The following ASMTL variants were observed in gnomAD, a reference collection of about 807,000 sequenced individuals.
The protein encoded by ASMTL is probable bifunctional dTTP/UTP pyrophosphatase/methyltransferase protein.
ASMTL carries 57 observed loss-of-function variants against 60.3 expected under a neutral mutation model. The ratio of observed to expected loss-of-function variants is 0.95; its 90% CI spans 0.76 to 1.18. ASMTL has a LOEUF of 1.18. Ranked by LOEUF, ASMTL falls within the 50% of genes most tolerant of loss-of-function variation. The pLI is 0.00. For synonymous variants in ASMTL, 419 were observed against 373.0 expected (o/e 1.12, Z -1.42); for missense variants, 981 against 852.6 (o/e 1.15, Z -1.88).
At position 1,432,661 on chromosome X, in the gene ASMTL, C is replaced by G. The variant is rs1455156883; in HGVS notation, c.401-284G>C. 4.0e-5 allele frequency among the ~76,000 whole-genome samples: 6 copies of G among 151,768 alleles called. No individual in the cohort carries two copies. In the East Asian group the frequency reaches 9.7e-4, roughly 24 times the overall value. On this transcript the variant is annotated intron_variant, in intron 5 of 12. Coordinates refer to ENST00000381317, the MANE Select transcript of ASMTL (RefSeq NM_004192.4). ...TGGCTAACACGGTGAAACCCCGTCT[C>G]TACTAAAAATACAAAAAATTAGCCA...
Position 1,442,257 on chromosome X carries a change from C to G in ASMTL, c.154G>C (p.Ala52Pro), listed in dbSNP as rs373103165. 3.7e-6 allele frequency: 6 copies of G among 1,613,712 alleles called. No homozygotes were observed. The highest frequency in any genetic ancestry group is 1.3e-5 in the African/African-American group (1 of 74,860). Residue 52 changes from alanine (A) to proline (P), a missense_variant, in exon 2 of 13, where the codon GCT (alanine) becomes CCT (proline). Ala to Pro is a conservative substitution (Grantham distance 27). Coordinates refer to ENST00000381317, the MANE Select transcript of ASMTL (RefSeq NM_004192.4). ...FKEKLDKASF[A>P]TPYGYAMETA... ...TCCATGGCGTACCCATACGGAGTAG[C>G]GAAGGAGGCTTTGTCCAGCTTCTCT...
chrX:1,407,073 G>C (rs2089885984), intron 12 of ASMTL, among the ~76,000 whole-genome samples: 1 of 148,162 alleles, frequency 6.7e-6, no homozygotes, highest in African/African-American at 2.5e-5. Context: ...TGCATGCATG[G>C]ATGAGATGGA....
intron 8 of ASMTL, among the ~76,000 whole-genome samples, chrX:1,423,245 CATT>C (rs1305526494): frequency 6.6e-6 from 1 of 152,128 alleles, no homozygotes; most frequent in African/African-American, 2.4e-5. Context: ...GCCTATTCAT[CATT>C]ATTTTCAATA....
At chrX:1,428,603 T>A (rs1443915346) in intron 6 of ASMTL, among the ~76,000 whole-genome samples, 1 of 139,002 alleles carries the variant, frequency 7.2e-6, no homozygotes, top group Non-Finnish European at 1.6e-5. Context: ...GCCGAGATCG[T>A]GCCACTGCAC....
chrX:1,448,177 A>G (rs747551497), intron 1 of ASMTL, among the ~76,000 whole-genome samples: 1 of 151,086 alleles, frequency 6.6e-6, no homozygotes, highest in African/African-American at 2.4e-5. Context: ...TCTTGGACAC[A>G]CACCGCCATC....
Position 1,418,972 on chromosome X carries a change from G to T in ASMTL, c.1378+10C>A. The T allele has an allele frequency of 6.2e-7, 1 of 1,611,764 alleles. No homozygotes were observed. Among genetic ancestry groups the T allele is most frequent in the Non-Finnish European group, 8.5e-7 (1 of 1,179,796 alleles). On this transcript the variant is annotated intron_variant, in intron 10 of 12. Coordinates refer to ENST00000381317, the MANE Select transcript of ASMTL (RefSeq NM_004192.4). ...AAAGTAAGGAGAGCCCTGGCGGGGG[G>T]GCCACCCACCTCCCACGTCGCAGGC...
chrX:1,403,934 G>A (rs1456803758), intron 12 of ASMTL, among the ~76,000 whole-genome samples: 3 of 151,746 alleles, frequency 2.0e-5, no homozygotes, highest in Non-Finnish European at 4.4e-5. Flanking sequence ...GATGGTAGAT[G>A]ATGGGTAGGT....
chrX:1,411,964 A>C (rs1228482178), intron 12 of ASMTL, among the ~76,000 whole-genome samples: 1 of 151,644 alleles, frequency 6.6e-6, no homozygotes, highest in Non-Finnish European at 1.5e-5. Flanking sequence ...GGCACCCGCT[A>C]TCAAGCCCGG....
At chrX:1,425,360 A>G (rs2090589144) in intron 8 of ASMTL, 165 bp downstream of exon 8, 2 of 358,744 alleles carry the variant, frequency 5.6e-6, no homozygotes, top group Non-Finnish European at 7.8e-6. Flanking sequence ...CCTCTCTGTC[A>G]TTCACCCTCT....
rs2090816696 is a variant in ASMTL at position 1,432,286 on chromosome X, G to A, written c.492C>T (p.Val164=). ...ELSEELLWEY[V]HSGEPMDKAG... The stretch of plus-strand genomic sequence containing the variant: ...AGACTCACATGGGCTCCCCGCTGTG[G>A]ACGTATTCCCAGAGCAGCTCCTCGG... The change falls in exon 6 of 13, where the codon GTC becomes GTT. Residue 164 remains valine (V), a synonymous_variant. Coordinates refer to ENST00000381317, the MANE Select transcript of ASMTL (RefSeq NM_004192.4). 3 of 1,612,520 alleles carry A rather than the reference G, an allele frequency of 1.9e-6. No individual in the cohort carries two copies. Among genetic ancestry groups the A allele is most frequent in the Non-Finnish European group, 2.5e-6 (3 of 1,179,528 alleles).
In ASMTL at chrX:1,418,201, A is replaced by G; in HGVS notation, c.1379-85T>C. ...CCAAAGCTCAACTGGGGCAGAAGTA[A>G]TGTTCAAGGGCATGGCATTGATTCC... is the stretch of plus-strand genomic sequence containing the variant. On this transcript the variant is annotated intron_variant, in intron 10 of 12. Coordinates refer to ENST00000381317, the MANE Select transcript of ASMTL (RefSeq NM_004192.4). 4 of 1,441,824 alleles carry G rather than the reference A, an allele frequency of 2.8e-6. No homozygotes were observed. In the South Asian group the frequency reaches 5.4e-5, roughly 19 times the overall value. 89.3% of individuals were successfully genotyped at this position (1,441,824 alleles called of 1,614,324 possible).
At chrX:1,411,589 C>T (rs763955913) in intron 12 of ASMTL, among the ~76,000 whole-genome samples, 11 of 77,438 alleles carry the variant, frequency 1.4e-4, no homozygotes, top group Non-Finnish European at 2.4e-4. Flanking sequence ...TGTGTGTGCA[C>T]GTGTGTCTGC....
intron 1 of ASMTL, among the ~76,000 whole-genome samples, chrX:1,447,727 T>C (rs1167420155): frequency 6.9e-6 from 1 of 145,872 alleles, no homozygotes. Context: ...CACTGCCATC[T>C]TGGACATGCA....
At chrX:1,420,182 CCT>C (rs1329533366) in intron 9 of ASMTL, among the ~76,000 whole-genome samples, 15 of 151,558 alleles carry the variant, frequency 9.9e-5, no homozygotes, top group Non-Finnish European at 4.4e-5. Context: ...TCTCCGCCTC[CCT>C]CTGTCTCTCA....
At chrX:1,445,145 C>A (rs190729363) in intron 1 of ASMTL, among the ~76,000 whole-genome samples, 21 of 152,232 alleles carry the variant, frequency 1.4e-4, no homozygotes, top group Admixed American at 1.2e-3. Flanking sequence ...AAAGTCAGGT[C>A]GGCCATCCCA....
intron 5 of ASMTL, among the ~76,000 whole-genome samples, chrX:1,433,599 G>T (rs2090875700): frequency 6.6e-6 from 1 of 151,564 alleles, no homozygotes; most frequent in African/African-American, 2.4e-5. Flanking sequence ...AGAAGGGCGT[G>T]AACCCGGGAG....
intron 5 of ASMTL, among the ~76,000 whole-genome samples, chrX:1,434,357 G>A (rs1368888001): frequency 6.6e-6 from 1 of 151,920 alleles, no homozygotes; most frequent in Non-Finnish European, 1.5e-5. Context: ...AGGTGTGGTG[G>A]CGTGTGCCTG....
At chrX:1,429,845 G>A (rs1283462435) in intron 6 of ASMTL, among the ~76,000 whole-genome samples, 2 of 151,848 alleles carry the variant, frequency 1.3e-5, no homozygotes, top group Non-Finnish European at 2.9e-5. Flanking sequence ...ATGTATACAT[G>A]TGACATCATT....
intron 8 of ASMTL, among the ~76,000 whole-genome samples, chrX:1,424,989 TCCACC>T (rs2090579272): frequency 4.5e-4 from 8 of 17,740 alleles, no homozygotes; most frequent in Non-Finnish European, 1.2e-3. Context: ...CATCCATCTA[TCCACC>T]TACCATCCAT....
Sources: allele counts gnomAD v4.1 joint callset (sites outside exome capture counted in the v4.1 genomes callset), GRCh38; gene constraint gnomAD v4.1.1; transcripts MANE v1.5; gene names NCBI Gene and HGNC (gene_info 2026-07-23, HGNC 2026-07-21).